Variants in FARS2 observed in about 807,000 individuals in gnomAD.
FARS2 encodes the protein phenylalanine--tRNA ligase, mitochondrial.
Under a neutral mutation model 46.4 loss-of-function variants are expected in FARS2, and 40 were observed. That is an observed-to-expected ratio of 0.86 (90% CI 0.67 to 1.12). The LOEUF is 1.12. Ranked by LOEUF, FARS2 falls within the 50% of genes most tolerant of loss-of-function variation. The pLI, the probability that FARS2 is intolerant of heterozygous loss-of-function variation, is 0.00. For synonymous variants in FARS2, 234 were observed against 214.9 expected, an observed-to-expected ratio of 1.09 and a Z score of -0.78; for missense variants, 513 against 567.9, an observed-to-expected ratio of 0.90 and a Z score of 0.98.
chr6:5,496,619 C>A (rs954856613), intron 4 of FARS2, among the ~76,000 whole-genome samples: 8 of 152,162 alleles, frequency 5.3e-5, no homozygotes, highest in African/African-American at 1.9e-4. Context: ...TAGATGGTTA[C>A]TTTCTCCCTG....
intron 4 of FARS2, among the ~76,000 whole-genome samples, chr6:5,521,278 T>C (rs954580541): frequency 2.0e-4 from 31 of 152,010 alleles, no homozygotes; most frequent in African/African-American, 7.3e-4. Flanking sequence ...GTACTGACAT[T>C]TGATAACATT....
intron 4 of FARS2, among the ~76,000 whole-genome samples, chr6:5,438,323 T>C (rs1040940156): frequency 3.5e-5 from 5 of 141,762 alleles, no homozygotes; most frequent in African/African-American, 7.9e-5. Context: ...CTCACACTTA[T>C]GATAGATCTT....
At chr6:5,338,522 A>C (rs563880956) in intron 1 of FARS2, among the ~76,000 whole-genome samples, 1 of 152,264 alleles carries the variant, frequency 6.6e-6, no homozygotes, top group African/African-American at 2.4e-5. Context: ...CCTTGACCGC[A>C]GTGACTTTCC....
chr6:5,740,335 T>C (rs1260013374), intron 6 of FARS2, among the ~76,000 whole-genome samples: 1 of 152,184 alleles, frequency 6.6e-6, no homozygotes, highest in African/African-American at 2.4e-5. Context: ...TTTGGGAACC[T>C]CATTGTAGAG....
intron 4 of FARS2, among the ~76,000 whole-genome samples, chr6:5,519,976 G>A (rs1263777060): frequency 2.6e-5 from 4 of 152,128 alleles, no homozygotes; most frequent in Middle Eastern, 3.2e-3. Context: ...CTTAAAATTC[G>A]ACTTTGCTTC....
intron 6 of FARS2, among the ~76,000 whole-genome samples, chr6:5,648,673 C>T (rs1777197248): frequency 6.6e-6 from 1 of 152,136 alleles, no homozygotes; most frequent in Non-Finnish European, 1.5e-5. Flanking sequence ...TTTCCATCTA[C>T]CCTTCATAGG....
chr6:5,600,237 ATACT>A lies in FARS2; in HGVS notation c.1066-12928_1066-12925del, dbSNP rs1248517906. Among the ~76,000 whole-genome samples the A allele has an allele frequency of 2.0e-5, 3 of 152,230 alleles. No individual in the cohort carries two copies. In the East Asian group the frequency reaches 5.8e-4, roughly 29 times the overall value. The stretch of plus-strand genomic sequence containing the variant: ...TGTTCCATATGATTTCATTATGGAA[ATACT>A]TACAGAAATTCTGTCAAAAGTTAGG... On this transcript the variant is annotated intron_variant, in intron 5 of 6. Transcript: ENST00000274680.
chr6:5,527,560 A>C (rs536258426), intron 4 of FARS2, among the ~76,000 whole-genome samples: 1 of 152,352 alleles, frequency 6.6e-6, no homozygotes, highest in East Asian at 1.9e-4. Context: ...CCTCTTATGG[A>C]TATGACTCAC....
chr6:5,584,209 G>A (rs1169268958), intron 5 of FARS2, among the ~76,000 whole-genome samples: 3 of 151,352 alleles, frequency 2.0e-5, no homozygotes, highest in Admixed American at 6.6e-5. Context: ...AGAAGTTGGC[G>A]TAGAGTCAGC....
chr6:5,719,191 C>G (rs549693124), intron 6 of FARS2, among the ~76,000 whole-genome samples: 101 of 151,878 alleles, frequency 6.7e-4, no homozygotes, highest in Admixed American at 5.4e-3. Flanking sequence ...AAGACCAGCC[C>G]GGGCAACAAG....
At position 5,519,492 on chromosome 6, in the gene FARS2, G is replaced by A. The variant is rs146879137; in HGVS notation, c.905-25688G>A. Among the ~76,000 whole-genome samples, 358 of 152,124 alleles carry A rather than the reference G, an allele frequency of 2.4e-3. 1 individual carries two copies. Among genetic ancestry groups the A allele is most frequent in the African/African-American group, 8.2e-3 (340 of 41,494 alleles). On this transcript the variant is annotated intron_variant, in intron 4 of 6. Coordinates refer to ENST00000274680, the MANE Select transcript of FARS2 (RefSeq NM_006567.5). ...AGGGGGGTTTTTTTGTGATAGGAGG[G>A]TTTTAAACATGTTGATTGGTTGAAG...
intron 1 of FARS2, among the ~76,000 whole-genome samples, chr6:5,322,970 C>CT (rs1405974289): frequency 6.6e-6 from 1 of 152,146 alleles, no homozygotes; most frequent in African/African-American, 2.4e-5. Context: ...TAGCTCCCAT[C>CT]TTCAGTCCTT....
At chr6:5,590,546 T>G (rs1350949588) in intron 5 of FARS2, among the ~76,000 whole-genome samples, 1 of 152,234 alleles carries the variant, frequency 6.6e-6, no homozygotes, top group Admixed American at 6.5e-5. Flanking sequence ...TCCCCATCTC[T>G]GAGAAAAATA....
chr6:5,454,288 A>T (rs1764692562), intron 4 of FARS2, among the ~76,000 whole-genome samples: 1 of 149,810 alleles, frequency 6.7e-6, no homozygotes, highest in Admixed American at 6.7e-5. Context: ...ACATTTGCTT[A>T]TTTCAAACTG....
rs1424864498 is a variant in FARS2, at chr6:5,765,121, C to T, written c.1218-6170C>T. ...TTGGTCTAGGGGCTCTGGTAGGAGG[C>T]GGCATTGAAATATGCCATCCCCTCC... On this transcript the variant is annotated intron_variant, in intron 6 of 6. Coordinates refer to ENST00000274680, the MANE Select transcript of FARS2 (RefSeq NM_006567.5). The surrounding 1 kb of genome is among the most constrained non-coding windows in gnomAD (Gnocchi z 4.0). Among the ~76,000 whole-genome samples the T allele has an allele frequency of 7.2e-5, 11 of 152,212 alleles. No individual in the cohort carries two copies. The highest frequency in any genetic ancestry group is 5.9e-4 in the Admixed American group (9 of 15,284).
At chr6:5,740,616 A>G (rs1006741483) in intron 6 of FARS2, among the ~76,000 whole-genome samples, 3 of 151,996 alleles carry the variant, frequency 2.0e-5, no homozygotes, top group Non-Finnish European at 2.9e-5. Context: ...TCCAGATGCT[A>G]TGTTTTCCGA....
chr6:5,450,363 G>A (rs1764414959), intron 4 of FARS2, among the ~76,000 whole-genome samples: 1 of 151,930 alleles, frequency 6.6e-6, no homozygotes, highest in Non-Finnish European at 1.5e-5. Flanking sequence ...AGGGAGTGGG[G>A]GAGGGGAAGC....
chr6:5,257,061 C>T (rs1222848390), upstream of FARS2, among the ~76,000 whole-genome samples: 1 of 152,134 alleles, frequency 6.6e-6, no homozygotes, highest in Admixed American at 6.5e-5. Context: ...TAATCAACTC[C>T]CATTTGATGT....
chr6:5,519,689 G>A (rs1228515779), intron 4 of FARS2, among the ~76,000 whole-genome samples: 1 of 152,144 alleles, frequency 6.6e-6, no homozygotes, highest in Non-Finnish European at 1.5e-5. Flanking sequence ...AAGGCAGTAT[G>A]ACTCTGAGTC....
Sources: allele counts gnomAD v4.1 joint callset (sites outside exome capture counted in the v4.1 genomes callset), GRCh38; gene constraint gnomAD v4.1.1; non-coding constraint Gnocchi (gnomAD v3.1); transcripts MANE v1.5; gene names NCBI Gene and HGNC (gene_info 2026-07-23, HGNC 2026-07-21).